SESTD1: variants seen among roughly 807,000 people sequenced by gnomAD.
The protein encoded by SESTD1 is SEC14 domain and spectrin repeat-containing protein 1.
A neutral mutation model predicts 101.7 loss-of-function variants in SESTD1; 43 were observed. That is an observed-to-expected ratio of 0.42 (90% CI 0.33 to 0.55). The LOEUF is 0.55. SESTD1 is among the 20% of genes least tolerant of loss of function. The pLI, the probability that SESTD1 is intolerant of heterozygous loss-of-function variation, is 0.07. For synonymous variants in SESTD1, 283 were observed against 286.8 expected (o/e 0.99, Z 0.13); for missense variants, 647 against 815.1 (o/e 0.79, Z 2.51).
At chr2:179,118,475 C>A (rs559734514) in intron 13 of SESTD1, among the ~76,000 whole-genome samples, 19 of 152,172 alleles carry the variant, frequency 1.2e-4, no homozygotes, top group Non-Finnish European at 2.4e-4. Flanking sequence ...TAATATGTTA[C>A]CAGACACTGT....
chr2:179,253,195 T>A (rs2047343152), intron 1 of SESTD1, among the ~76,000 whole-genome samples: 1 of 151,728 alleles, frequency 6.6e-6, no homozygotes, highest in Admixed American at 6.6e-5. Flanking sequence ...TTAAAATAAA[T>A]CACCAGTACT....
intron 7 of SESTD1, 72 bp from the exon 8 acceptor site, chr2:179,146,529 T>C: frequency 3.0e-6 from 4 of 1,346,474 alleles, no homozygotes; most frequent in Non-Finnish European, 4.2e-6. Context: ...TTCCTTTACA[T>C]ATAAAAAAAC....
At chr2:179,263,431 T>G (rs1370978157) in intron 1 of SESTD1, among the ~76,000 whole-genome samples, 1 of 152,172 alleles carries the variant, frequency 6.6e-6, no homozygotes, top group Non-Finnish European at 1.5e-5. Flanking sequence ...ACAGAAAAAG[T>G]ATATAGATAT....
intron 12 of SESTD1, among the ~76,000 whole-genome samples, chr2:179,122,852 C>T (rs1307912151): frequency 6.6e-6 from 1 of 152,092 alleles, no homozygotes; most frequent in Non-Finnish European, 1.5e-5. Context: ...GCCAAGATGG[C>T]ACCACTGCAC....
chr2:179,176,310 G>A, intron 4 of SESTD1, 138 bp downstream of exon 4: 2 of 648,362 alleles, frequency 3.1e-6, no homozygotes, highest in South Asian at 1.9e-5. Context: ...CAATCCAATA[G>A]TGATAAGTGC....
chr2:179,149,687 C>A (rs779031897), intron 6 of SESTD1, among the ~76,000 whole-genome samples: 3 of 152,172 alleles, frequency 2.0e-5, no homozygotes, highest in Non-Finnish European at 4.4e-5. Flanking sequence ...GCATCGATAA[C>A]AGTTCTAACT....
At chr2:179,258,611 GCA>G (rs1321552340) in intron 1 of SESTD1, among the ~76,000 whole-genome samples, 2 of 152,164 alleles carry the variant, frequency 1.3e-5, no homozygotes, top group African/African-American at 4.8e-5. Context: ...CCAAGAATGT[GCA>G]GTTTCTGCAT....
At chr2:179,215,532 A>G (rs781773991) in intron 1 of SESTD1, among the ~76,000 whole-genome samples, 1 of 133,980 alleles carries the variant, frequency 7.5e-6, no homozygotes, top group Non-Finnish European at 1.6e-5. Context: ...CCAGGACCAG[A>G]CGATTCACAG....
At chr2:179,217,154 G>A (rs535393377) in intron 1 of SESTD1, among the ~76,000 whole-genome samples, 15 of 152,290 alleles carry the variant, frequency 9.8e-5, no homozygotes, top group African/African-American at 3.4e-4. Context: ...AAACTAAAGA[G>A]CTTCTGCATG....
chr2:179,253,364 G>A (rs1490508525), intron 1 of SESTD1, among the ~76,000 whole-genome samples: 2 of 152,146 alleles, frequency 1.3e-5, no homozygotes, highest in African/African-American at 4.8e-5. Context: ...GATATCCAAA[G>A]CAAGTCTCCA....
Position 179,121,826 on chromosome 2 carries a change from T to C in SESTD1, c.1386A>G (p.Lys462=), listed in dbSNP as rs56336305. The C allele has an allele frequency of 0.021, 33,692 of 1,609,538 alleles. 434 individuals are homozygous for C. The highest frequency in any genetic ancestry group is 0.023 in the South Asian group (2,072 of 90,424). ...CTCCTTGTATGTGGTCCACATTTTC[T>C]TTATTTTCAATGGTTACATCCTTTC... ...AYGKDVTIEN[K]ENVDHIQGVM... The change falls in exon 13 of 18, where the codon AAA becomes AAG. Residue 462 remains lysine, a synonymous_variant. Transcript: ENST00000428443.
rs976122854 is a variant in SESTD1 at position 179,203,957 on chromosome 2, C to T, written c.-25-12091G>A. 4.5e-5 allele frequency among the ~76,000 whole-genome samples: 6 copies of T among 134,134 alleles called. 1 individual carries two copies. Among genetic ancestry groups the T allele is most frequent in the Non-Finnish European group, 8.0e-5 (5 of 62,466 alleles). The allele number at this position is 134,134 out of a possible 152,430, so 88.0% of individuals were successfully genotyped here. A position where few individuals can be genotyped will look rare whatever the true frequency, so the allele number is the denominator to read the frequency against. On this transcript the variant is annotated intron_variant, in intron 1 of 17. Coordinates refer to ENST00000428443, the MANE Select transcript of SESTD1 (RefSeq NM_178123.5). The stretch of plus-strand genomic sequence containing the variant: ...TGAGGACAGTCTTGTGGGATTGAGC[C>T]CTTAAACCCTGGATCTGATAACTCC...
chr2:179,161,680 T>C (rs913876697), intron 5 of SESTD1, among the ~76,000 whole-genome samples: 4 of 151,934 alleles, frequency 2.6e-5, no homozygotes, highest in Non-Finnish European at 5.9e-5. Flanking sequence ...AAAAAAGGTA[T>C]TATGCCATCA....
intron 9 of SESTD1, among the ~76,000 whole-genome samples, chr2:179,140,606 C>T (rs2045257166): frequency 6.6e-6 from 1 of 152,226 alleles, no homozygotes; most frequent in Non-Finnish European, 1.5e-5. Context: ...TACAACCCCT[C>T]TTCCACCACT....
chr2:179,137,427 T>C (rs937069148), intron 9 of SESTD1, among the ~76,000 whole-genome samples: 1 of 152,228 alleles, frequency 6.6e-6, no homozygotes, highest in Non-Finnish European at 1.5e-5. Context: ...TCCAGCTGTA[T>C]GCTTATGCAA....
chr2:179,243,313 T>C (rs568143172), intron 1 of SESTD1, among the ~76,000 whole-genome samples: 3 of 152,346 alleles, frequency 2.0e-5, no homozygotes, highest in South Asian at 4.1e-4. Flanking sequence ...TTAGTGGGAA[T>C]GTAAACTGGT....
rs1174585143 is a variant in SESTD1 at position 179,205,803 on chromosome 2, A to G, written c.-25-13937T>C. 1.6e-5 allele frequency among the ~76,000 whole-genome samples: 2 copies of G among 126,746 alleles called. 1 individual carries two copies. Among genetic ancestry groups the G allele is most frequent in the East Asian group, 4.0e-4 (2 of 5,046 alleles). 83.2% of individuals were successfully genotyped at this position (126,746 alleles called of 152,430 possible). A position where few individuals can be genotyped will look rare whatever the true frequency, so the allele number is the denominator to read the frequency against. On this transcript the variant is annotated intron_variant, in intron 1 of 17. Coordinates refer to ENST00000428443, the MANE Select transcript of SESTD1 (RefSeq NM_178123.5). ...GCAGTCAAGAGATGAAAACAATTGT[A>G]TTTACTCTGTATCTCTTCCTCCCTT...
intron 1 of SESTD1, among the ~76,000 whole-genome samples, chr2:179,263,099 A>G (rs2047505376): frequency 6.6e-6 from 1 of 152,222 alleles, no homozygotes; most frequent in African/African-American, 2.4e-5. Context: ...AATATTCAAC[A>G]AAACGATTTC....
At chr2:179,178,516 G>T (rs187601490) in intron 3 of SESTD1, among the ~76,000 whole-genome samples, 4 of 152,188 alleles carry the variant, frequency 2.6e-5, no homozygotes, top group African/African-American at 7.2e-5. Context: ...GACACACAAT[G>T]ACTATCTGTG....
Sources: gnomAD v4.1 joint callset for allele counts (sites outside exome capture counted in the v4.1 genomes callset) on GRCh38, gnomAD v4.1.1 for gene constraint, MANE v1.5 for transcripts, NCBI Gene and HGNC (gene_info 2026-07-23, HGNC 2026-07-21) for gene names.